Variants in RSPRY1 observed in about 807,000 individuals in gnomAD.
The protein encoded by RSPRY1 is ring finger and SPRY domain containing 1.
In RSPRY1, 23 loss-of-function variants were observed where a neutral mutation model predicts 73.1. The observed-to-expected ratio is 0.31, with a 90% CI of 0.23 to 0.45. The LOEUF is 0.45. Among genes scored for constraint, RSPRY1 ranks in the 20% least tolerant of loss-of-function variants. RSPRY1 has a pLI of 1.00. For synonymous variants in RSPRY1, 226 were observed against 251.4 expected (o/e 0.90, Z 0.95); for missense variants, 448 against 698.7 (o/e 0.64, Z 4.05).
At chr16:57,194,294 G>C (rs1437509181) in intron 1 of RSPRY1, among the ~76,000 whole-genome samples, 1 of 152,112 alleles carries the variant, frequency 6.6e-6, no homozygotes, top group African/African-American at 2.4e-5. Context: ...GAGTCTAGGT[G>C]GTGGGGATAA....
chr16:57,192,708 CTT>C (rs373914013), intron 1 of RSPRY1, among the ~76,000 whole-genome samples: 26 of 123,540 alleles, frequency 2.1e-4, no homozygotes, highest in Non-Finnish European at 2.6e-4. Context: ...TCCAGAGACT[CTT>C]TTTTTTTTTT....
rs145752859 is a variant in RSPRY1 at position 57,236,109 on chromosome 16, C to A, written c.1634+881C>A. ...ATTACTTCTACAGCCCAGAATTTCT[C>A]AGTTTGAGCATATTTGGAGGGTTTA... On this transcript the variant is annotated intron_variant, in intron 14 of 14. Transcript: ENST00000394420. 5.2e-3 allele frequency among the ~76,000 whole-genome samples: 786 copies of A among 152,340 alleles called. 3 individuals are homozygous for A. Among genetic ancestry groups the A allele is most frequent in the Non-Finnish European group, 8.0e-3 (542 of 68,024 alleles).
chr16:57,200,569 TGGCCGGGCAGAGG>T (rs2074555549), intron 1 of RSPRY1, among the ~76,000 whole-genome samples: 1 of 148,060 alleles, frequency 6.8e-6, no homozygotes, highest in Non-Finnish European at 1.5e-5. Flanking sequence ...ATGGGGCGGC[TGGCCGGGCAGAGG>T]GGCTCCTCTC....
chr16:57,205,658 T>C (rs1260174025), intron 2 of RSPRY1, among the ~76,000 whole-genome samples: 1 of 152,214 alleles, frequency 6.6e-6, no homozygotes, highest in Non-Finnish European at 1.5e-5. Flanking sequence ...AACTTAAGGT[T>C]GTATATTTCA....
In RSPRY1 at chr16:57,233,320, A is replaced by T. The variant is rs191373971; in HGVS notation, c.1530-1804A>T. ...ACATACCCACTCTCAGCTACAAGTC[A>T]TCCACTCACAGCCACTGCTTCTCCC... is the stretch of plus-strand genomic sequence containing the variant. On this transcript the variant is annotated intron_variant, in intron 13 of 14. Transcript: ENST00000394420. Among the ~76,000 whole-genome samples, 126 of 152,278 alleles carry T rather than the reference A, an allele frequency of 8.3e-4. 1 individual carries two copies. Among genetic ancestry groups the T allele is most frequent in the Admixed American group, 6.6e-3 (101 of 15,304 alleles).
Position 57,212,974 on chromosome 16 carries a change from T to G in RSPRY1, c.519T>G (p.Asp173Glu). 3 of 1,613,826 alleles carry G rather than the reference T, an allele frequency of 1.9e-6. No homozygotes were observed. The highest frequency in any genetic ancestry group is 1.7e-5 in the Admixed American group (1 of 59,998). The change falls in exon 5 of 15, where the codon GAT becomes GAG. Residue 173 changes from aspartate to glutamate, a missense_variant and splice_region_variant. Transcript: ENST00000394420. ...LLDECPLPTK[D>E]ALQKLTEILN... ...CCACTTGTACTTTTTTGTTTTAGGA[T>G]GCACTCCAGAAATTGACTGAAATTC...
At chr16:57,225,474 G>T (rs1425074933) in intron 10 of RSPRY1, among the ~76,000 whole-genome samples, 1 of 152,220 alleles carries the variant, frequency 6.6e-6, no homozygotes, top group Non-Finnish European at 1.5e-5. Flanking sequence ...TCCAAATTCA[G>T]TATGTTGTAA....
At chr16:57,223,644 C>T (rs973644496) in intron 10 of RSPRY1, among the ~76,000 whole-genome samples, 8 of 151,972 alleles carry the variant, frequency 5.3e-5, no homozygotes, top group South Asian at 2.1e-4. Context: ...TGGTGGCGGG[C>T]GCCTGTAATC....
chr16:57,204,613 A>ACTCCAGGTT lies in RSPRY1; in HGVS notation c.-45_-37dup. ...AAACAAATAGGATGCAAATTCCTCA[A>ACTCCAGGTT]CTCCAGGTTATGAAAACAGTACTTG... On this transcript the variant is annotated 5_prime_UTR_variant, in exon 2 of 15. Coordinates refer to ENST00000394420, the MANE Select transcript of RSPRY1 (RefSeq NM_133368.3). The ACTCCAGGTT allele has an allele frequency of 6.4e-7, 1 of 1,564,746 alleles. No homozygotes were observed. The highest frequency in any genetic ancestry group is 1.1e-5 in the South Asian group (1 of 89,118).
intron 1 of RSPRY1, among the ~76,000 whole-genome samples, chr16:57,189,593 C>CTTTTTTTTTTTTTTTTT (rs544146883): frequency 4.8e-5 from 6 of 124,052 alleles, no homozygotes; most frequent in Non-Finnish European, 8.2e-5. Context: ...CTTTTCTTTT[C>CTTTTTTTTTTTTTTTTT]TTTTTTTTTT....
At chr16:57,234,462 AG>A in intron 13 of RSPRY1, among the ~76,000 whole-genome samples, 1 of 152,324 alleles carries the variant, frequency 6.6e-6, no homozygotes, top group African/African-American at 2.4e-5. Context: ...AGCTCTCCAA[AG>A]GCAGGGATAC....
intron 2 of RSPRY1, among the ~76,000 whole-genome samples, chr16:57,205,878 C>T (rs1231598164): frequency 1.3e-5 from 2 of 152,158 alleles, no homozygotes; most frequent in Non-Finnish European, 2.9e-5. Context: ...AACAGTTGCT[C>T]AGTAGATGGT....
Position 57,227,467 on chromosome 16 carries a change from C to T in RSPRY1, c.1273+14C>T. ...GCTGGAAAGAAGGTATTCATTCCCTCCATTATAAATTTATCAAGTGGGTTA... is the reference window on the plus strand; with the variant it reads ...GCTGGAAAGAAGGTATTCATTCCCTTCATTATAAATTTATCAAGTGGGTTA... On this transcript the variant is annotated intron_variant, in intron 11 of 14. Coordinates refer to ENST00000394420, the MANE Select transcript of RSPRY1 (RefSeq NM_133368.3). The T allele has an allele frequency of 1.3e-6, 2 of 1,572,556 alleles. No homozygotes were observed. The highest frequency in any genetic ancestry group is 1.8e-6 in the Non-Finnish European group (2 of 1,142,392).
intron 1 of RSPRY1, among the ~76,000 whole-genome samples, chr16:57,192,457 T>C (rs1318967929): frequency 6.6e-6 from 1 of 152,180 alleles, no homozygotes; most frequent in African/African-American, 2.4e-5. Flanking sequence ...AATTTTTCAA[T>C]CCTTAAGATT....
rs1364905753 is a variant in RSPRY1, at chr16:57,200,951, G to C, written c.-155-3553G>C. ...CTCCCAGACGGGGCGGCTGGCCGGGGGGGGGGGGGGCTGACCCCCCCACCT... is the reference window on the plus strand; with the variant it reads ...CTCCCAGACGGGGCGGCTGGCCGGGCGGGGGGGGGGCTGACCCCCCCACCT... On this transcript the variant is annotated intron_variant, in intron 1 of 14. Transcript: ENST00000394420. Among the ~76,000 whole-genome samples the C allele has an allele frequency of 6.5e-5, 7 of 108,188 alleles. 1 individual carries two copies. Among genetic ancestry groups the C allele is most frequent in the African/African-American group, 1.8e-4 (5 of 27,688 alleles). The allele number at this position is 108,188 out of a possible 152,430, so 71.0% of individuals were successfully genotyped here.
intron 1 of RSPRY1, among the ~76,000 whole-genome samples, chr16:57,199,447 G>A (rs1230739530): frequency 3.3e-5 from 5 of 152,044 alleles, no homozygotes; most frequent in Admixed American, 6.5e-5. Context: ...AGCCAAGATC[G>A]TACCATTGCA....
At chr16:57,232,786 T>G (rs558834819) in intron 13 of RSPRY1, among the ~76,000 whole-genome samples, 1 of 152,302 alleles carries the variant, frequency 6.6e-6, no homozygotes, top group South Asian at 2.1e-4. Context: ...TTGGTAACCA[T>G]GTATATAAAT....
chr16:57,239,857 AT>A lies in RSPRY1; in HGVS notation c.*883del, dbSNP rs2075353821. On this transcript the variant is annotated 3_prime_UTR_variant, in exon 15 of 15. Transcript: ENST00000394420. The stretch of plus-strand genomic sequence containing the variant: ...AATCAGTATTGTTTTTACAAGTAAT[AT>A]ACTTTGAAACTCTTGAACTAATAGT... 2 of 152,166 alleles carry A rather than the reference AT, an allele frequency of 1.3e-5. No homozygotes were observed. The highest frequency in any genetic ancestry group is 2.9e-5 in the Non-Finnish European group (2 of 68,024). 9.4% of individuals were successfully genotyped at this position (152,166 alleles called of 1,614,324 possible). A position where few individuals can be genotyped will look rare whatever the true frequency, so the allele number is the denominator to read the frequency against.
intron 4 of RSPRY1, among the ~76,000 whole-genome samples, chr16:57,211,677 G>A (rs938624268): frequency 2.0e-5 from 3 of 151,822 alleles, no homozygotes; most frequent in South Asian, 2.1e-4. Flanking sequence ...CAAAAGCATC[G>A]AACTTTCATT....
Sources: gnomAD v4.1 joint callset for allele counts (sites outside exome capture counted in the v4.1 genomes callset) on GRCh38, gnomAD v4.1.1 for gene constraint, MANE v1.5 for transcripts, NCBI Gene and HGNC (gene_info 2026-07-23, HGNC 2026-07-21) for gene names.